ZNF676: variants seen among roughly 807,000 people sequenced by gnomAD.
ZNF676 encodes zinc finger protein 676.
ZNF676 carries 4 observed loss-of-function variants against 6.0 expected under a neutral mutation model. That is an observed-to-expected ratio of 0.67 (90% confidence interval 0.33 to 1.53). ZNF676 has a LOEUF of 1.53. Among genes scored for constraint, ZNF676 ranks in the 40% most tolerant of loss-of-function variants. The probability of loss-of-function intolerance (pLI) is 0.06; values close to 1 mark genes in which losing one functional copy is unlikely to be tolerated. For synonymous variants in ZNF676, 198 were observed against 223.1 expected (o/e 0.89, Z 1.00); for missense variants, 644 against 679.7 (o/e 0.95, Z 0.58).
chr19:22,194,725 C>A (rs935032445), intron 1 of ZNF676, among the ~76,000 whole-genome samples: 1 of 152,056 alleles, frequency 6.6e-6, no homozygotes, highest in Non-Finnish European at 1.5e-5. Flanking sequence ...ATAACACCCC[C>A]GCTAGGAAAC....
chr19:22,190,188 G>A (rs981711977), intron 2 of ZNF676, among the ~76,000 whole-genome samples: 6 of 152,014 alleles, frequency 3.9e-5, no homozygotes, highest in Non-Finnish European at 7.4e-5. Context: ...ATACTATGCA[G>A]CCATAAAAAA....
At chr19:22,235,991 C>T in the ZNF676 span, among the ~76,000 whole-genome samples, 5 of 150,366 alleles carry the variant, frequency 3.3e-5, no homozygotes, top group East Asian at 3.9e-4. Context: ...GTTAAGCTTA[C>T]GATAATCCAC....
At chr19:22,194,450 G>A (rs1302649427) in intron 1 of ZNF676, among the ~76,000 whole-genome samples, 10 of 152,176 alleles carry the variant, frequency 6.6e-5, no homozygotes, top group Non-Finnish European at 8.8e-5. Flanking sequence ...GTTAGCACAA[G>A]CAATGGCTAG....
At chr19:22,228,676 T>C in the ZNF676 span, among the ~76,000 whole-genome samples, 6 of 152,158 alleles carry the variant, frequency 3.9e-5, no homozygotes, top group African/African-American at 7.2e-5. Context: ...ACAAAATCAA[T>C]GTGCAAAAAT....
At position 22,196,791 on chromosome 19, in the gene ZNF676, C is replaced by A; in HGVS notation, c.-158G>T. 7.2e-7 allele frequency: 1 copy of A among 1,386,980 alleles called. No individual in the cohort carries two copies. Among genetic ancestry groups the A allele is most frequent in the Non-Finnish European group, 1.0e-6 (1 of 990,220 alleles). 85.9% of individuals were successfully genotyped at this position (1,386,980 alleles called of 1,614,324 possible). On this transcript the variant is annotated 5_prime_UTR_variant, in exon 1 of 3. An upstream open reading frame in the 5' UTR loses its in-frame stop. Transcript: ENST00000397121. ...CATGGGCAGAACTTTTAATGTGACT[C>A]AAGGTAAAATGGAGAGAGTAGAGAG...
At chr19:22,221,748 C>CA in the ZNF676 span, among the ~76,000 whole-genome samples, 112 of 146,284 alleles carry the variant, frequency 7.7e-4, no homozygotes, top group Admixed American at 8.9e-4. Flanking sequence ...AAGACTGTCA[C>CA]AAAAAAAAAA....
the ZNF676 span, among the ~76,000 whole-genome samples, chr19:22,253,203 A>C: frequency 2.0e-5 from 3 of 152,004 alleles, no homozygotes; most frequent in Admixed American, 2.0e-4. Flanking sequence ...TGTGAGATTC[A>C]GAACCTCAAC....
chr19:22,180,065 T>C lies in ZNF676; in HGVS notation c.1652A>G (p.His551Arg). Reference protein sequence around the residue: ...AFSRSSSLTRHKRIHTGEKPY... With the variant: ...AFSRSSSLTRRKRIHTGEKPY... ...TTTCTCTCCAGTATGAATTCTCTTG[T>C]GTCTAGTAAGGCTTGAGGATCTGCT... Residue 551 changes from histidine to arginine, a missense_variant, in exon 3 of 3, where the codon CAC becomes CGC. Transcript: ENST00000397121. 1 of 1,613,932 alleles carries C rather than the reference T, an allele frequency of 6.2e-7. No individual in the cohort carries two copies.
the ZNF676 span, among the ~76,000 whole-genome samples, chr19:22,228,958 C>T: frequency 1.3e-5 from 2 of 152,024 alleles, no homozygotes; most frequent in South Asian, 4.2e-4. Context: ...CAATGCCATC[C>T]CCATGAAGCT....
At chr19:22,195,773 T>C (rs1163250679) in intron 1 of ZNF676, among the ~76,000 whole-genome samples, 1 of 152,078 alleles carries the variant, frequency 6.6e-6, no homozygotes, top group African/African-American at 2.4e-5. Context: ...CCAAAGCGAG[T>C]ATCCATGGGA....
intron 2 of ZNF676, among the ~76,000 whole-genome samples, chr19:22,184,452 A>G (rs970108048): frequency 6.6e-6 from 1 of 152,166 alleles, no homozygotes. Flanking sequence ...ACACCAAACT[A>G]GCTGCAAGAG....
At chr19:22,258,596 G>A in the ZNF676 span, among the ~76,000 whole-genome samples, 1 of 152,310 alleles carries the variant, frequency 6.6e-6, no homozygotes, top group African/African-American at 2.4e-5. Flanking sequence ...AATGCTCTCT[G>A]TAGGCAAGGC....
intron 2 of ZNF676, 103 bp from the exon 3 acceptor site, chr19:22,181,689 G>T: frequency 1.1e-6 from 1 of 918,736 alleles, no homozygotes; most frequent in Non-Finnish European, 1.6e-6. Flanking sequence ...TAAGCAAGAC[G>T]ACATTGCAAT....
chr19:22,213,625 T>C (rs2024153688), intron 1 of ZNF676, among the ~76,000 whole-genome samples: 1 of 151,988 alleles, frequency 6.6e-6, no homozygotes, highest in Admixed American at 6.6e-5. Context: ...ATACCTCAGG[T>C]TGTCTTATGG....
the ZNF676 span, among the ~76,000 whole-genome samples, chr19:22,235,333 T>C: frequency 6.6e-6 from 1 of 152,144 alleles, no homozygotes; most frequent in African/African-American, 2.4e-5. Context: ...TGCAGAGCCT[T>C]CTTCTTTTCT....
At chr19:22,212,393 C>T (rs2024137950) in intron 1 of ZNF676, among the ~76,000 whole-genome samples, 4 of 151,774 alleles carry the variant, frequency 2.6e-5, no homozygotes, top group Admixed American at 2.6e-4. Flanking sequence ...TAATAAGATG[C>T]AATTTACAGT....
At chr19:22,191,755 G>C (rs2023910157) in intron 2 of ZNF676, among the ~76,000 whole-genome samples, 1 of 152,134 alleles carries the variant, frequency 6.6e-6, no homozygotes, top group Non-Finnish European at 1.5e-5. Flanking sequence ...GCCAACCCTA[G>C]TGCAGAGCCA....
intron 1 of ZNF676, among the ~76,000 whole-genome samples, chr19:22,210,597 A>C (rs1250563995): frequency 6.6e-6 from 1 of 152,232 alleles, no homozygotes; most frequent in Admixed American, 6.5e-5. Context: ...GATTAATAAA[A>C]TTCTCTATCC....
In ZNF676 at chr19:22,184,225, C is replaced by T. The variant is rs2023800723; in HGVS notation, c.131-2639G>A. On this transcript the variant is annotated intron_variant, in intron 2 of 2. Transcript: ENST00000397121. Reference sequence around the variant, plus strand: ...ATGGAGGGTGAGCCGAAGTGGGGTGCAGTGTTGCCTCACCCAGGAAGTGCA... The same window carrying T: ...ATGGAGGGTGAGCCGAAGTGGGGTGTAGTGTTGCCTCACCCAGGAAGTGCA... Among the ~76,000 whole-genome samples, 4 of 152,236 alleles carry T rather than the reference C, an allele frequency of 2.6e-5. No homozygotes were observed. The South Asian group carries it at 8.3e-4, about 32-fold the overall frequency.
Sources: allele counts gnomAD v4.1 joint callset (sites outside exome capture counted in the v4.1 genomes callset), GRCh38; gene constraint gnomAD v4.1.1; transcripts MANE v1.5; gene names NCBI Gene and HGNC (gene_info 2026-07-23, HGNC 2026-07-21).